The following ZNF548 variants were observed in gnomAD, a reference collection of about 807,000 sequenced individuals.
The protein encoded by ZNF548 is zinc finger protein 548.
In ZNF548, 10 loss-of-function variants were observed where a neutral mutation model predicts 10.2. That is an observed-to-expected ratio of 0.98 (90% CI 0.60 to 1.66). The LOEUF (loss-of-function observed/expected upper bound fraction) is 1.66, where lower values mean the gene tolerates loss of function less well. Among genes scored for constraint, ZNF548 ranks in the 40% most tolerant of loss-of-function variants. The pLI, the probability that ZNF548 is intolerant of heterozygous loss-of-function variation, is 0.00. For missense variants in ZNF548, 599 were observed against 657.0 expected, an observed-to-expected ratio of 0.91 and a Z score of 0.97; for synonymous variants, 217 against 223.5, an observed-to-expected ratio of 0.97 and a Z score of 0.26.
intron 3 of ZNF548, chr19:57,397,387 A>G (rs1304264840): frequency 3.0e-6 from 2 of 670,756 alleles, no homozygotes; most frequent in South Asian, 9.2e-5. Flanking sequence ...GCTTACAAGA[A>G]AGGGCTCAAG....
At chr19:57,390,247 A>AT in intron 1 of ZNF548, 133 bp downstream of exon 1, 1 of 1,006,922 alleles carries the variant, frequency 9.9e-7, no homozygotes, top group African/African-American at 1.6e-5. Flanking sequence ...GTATCAGCCG[A>AT]TTTGATGCAG....
At position 57,397,101 on chromosome 19, in the gene ZNF548, G is replaced by A. The variant is rs370341278; in HGVS notation, c.105G>A (p.Gly35=). 15 of 1,613,338 alleles carry A rather than the reference G, an allele frequency of 9.3e-6. No homozygotes were observed. The African/African-American group carries it at 9.3e-5, about 10-fold the overall frequency. The change falls in exon 3 of 4, where the codon GGG becomes GGA. Residue 35 remains glycine (G), a synonymous_variant. Transcript: ENST00000336128. ...VAIYFSQEEW[G]HLDEAQRLLY... ...TATATTTCTCCCAGGAGGAGTGGGG[G>A]CACCTTGATGAGGCTCAGAGATTGC... is the stretch of plus-strand genomic sequence containing the variant.
At chr19:57,393,867 C>T (rs1435171953) in intron 1 of ZNF548, among the ~76,000 whole-genome samples, 2 of 152,128 alleles carry the variant, frequency 1.3e-5, no homozygotes, top group African/African-American at 2.4e-5. Context: ...CTTTCATTTG[C>T]ATTGAACTCA....
At chr19:57,397,440 G>T (rs1490829596) in intron 3 of ZNF548, 2 of 437,932 alleles carry the variant, frequency 4.6e-6, no homozygotes, top group East Asian at 3.4e-5. Context: ...CACCAGCCTT[G>T]TCTGTCCCTG....
rs2088694574 is a variant in ZNF548, at chr19:57,399,340, A to G, written c.1089A>G (p.Thr363=). The part of the protein sequence containing the change: ...DCGKFFRYIS[T]LIRHQRIHTG... ...GGAAATTTTTTAGGTATATCTCCAC[A>G]CTCATTAGACATCAGAGAATTCACA... is the stretch of plus-strand genomic sequence containing the variant. Residue 363 remains threonine (T), a synonymous_variant, in exon 4 of 4, where the codon ACA becomes ACG. Transcript: ENST00000336128. This position sits in a 1 kb window ranked among gnomAD's most constrained non-coding sequence, Gnocchi z 4.0. 9 of 1,613,964 alleles carry G rather than the reference A, an allele frequency of 5.6e-6. No homozygotes were observed. The highest frequency in any genetic ancestry group is 2.2e-5 in the East Asian group (1 of 44,878).
intron 1 of ZNF548, 37 bp downstream of exon 1, chr19:57,390,151 T>C: frequency 6.2e-7 from 1 of 1,604,012 alleles, no homozygotes; most frequent in African/African-American, 1.3e-5. Context: ...GCCCGACCGG[T>C]CCTCCCAGTG....
intron 1 of ZNF548, among the ~76,000 whole-genome samples, chr19:57,391,752 T>G (rs554719122): frequency 4.6e-5 from 7 of 151,934 alleles, no homozygotes; most frequent in Non-Finnish European, 8.8e-5. Context: ...GCGATTTATG[T>G]GTCTTCTTTT....
intron 3 of ZNF548, 196 bp downstream of exon 3, chr19:57,397,370 C>T: frequency 1.2e-6 from 1 of 804,630 alleles, no homozygotes; most frequent in Non-Finnish European, 1.8e-6. Context: ...ATCCCTGCTG[C>T]TCTGAGGCTT....
At chr19:57,396,206 C>CA (rs2088663380) in intron 2 of ZNF548, among the ~76,000 whole-genome samples, 1 of 152,130 alleles carries the variant, frequency 6.6e-6, no homozygotes, top group Non-Finnish European at 1.5e-5. Flanking sequence ...TGGAGGGCCT[C>CA]AGGCCCTGGC....
Position 57,390,106 on chromosome 19 carries a change from C to A in ZNF548, c.7C>A (p.Leu3Met). The change falls in exon 1 of 4, where the codon CTG becomes ATG. Residue 3 changes from leucine to methionine, a missense_variant. Transcript: ENST00000336128. The part of the protein sequence containing the change: MN[L>M]TEGPLAMAEM... ...GCTGGCGGAGGCCTTGCTGATGAAC[C>A]TGACTGAGGTGGGTGTCCCGTCCCA... The A allele has an allele frequency of 6.2e-7, 1 of 1,608,850 alleles. No individual in the cohort carries two copies. Among genetic ancestry groups the A allele is most frequent in the Middle Eastern group, 1.7e-4 (1 of 6,060 alleles).
chr19:57,396,301 C>T (rs1264515042), intron 2 of ZNF548, among the ~76,000 whole-genome samples: 1 of 152,182 alleles, frequency 6.6e-6, no homozygotes, highest in Non-Finnish European at 1.5e-5. Context: ...AACTGGCTGG[C>T]AGGAGAGGAT....
At chr19:57,390,285 G>T in intron 1 of ZNF548, 171 bp downstream of exon 1, 1 of 650,950 alleles carries the variant, frequency 1.5e-6, no homozygotes, top group Non-Finnish European at 2.5e-6. Flanking sequence ...GGGACCTCAG[G>T]TTCAGAGCAT....
At chr19:57,393,994 A>T (rs1197186254) in intron 1 of ZNF548, 194 bp from the exon 2 acceptor site, 1 of 654,480 alleles carries the variant, frequency 1.5e-6, no homozygotes, top group East Asian at 2.7e-5. Context: ...CTATTTACAG[A>T]TGGAGACACT....
chr19:57,390,054 G>T lies in ZNF548; in HGVS notation c.-46G>T, dbSNP rs75599624. On this transcript the variant is annotated 5_prime_UTR_variant, in exon 1 of 4. Coordinates refer to ENST00000336128, the MANE Select transcript of ZNF548 (RefSeq NM_001172773.2). Reference sequence around the variant, plus strand: ...GTGGCGTCCTTGTCTTGCCTTTGTCGCTCCCGCCCCGCTCTTCCCTGGCTG... The same window carrying T: ...GTGGCGTCCTTGTCTTGCCTTTGTCTCTCCCGCCCCGCTCTTCCCTGGCTG... 315,270 of 1,602,148 alleles carry T rather than the reference G, an allele frequency of 0.2. 32,586 individuals carry two copies. Among genetic ancestry groups the T allele is most frequent in the East Asian group, 0.26 (11,438 of 44,732 alleles).
At chr19:57,392,325 T>G (rs2088632922) in intron 1 of ZNF548, among the ~76,000 whole-genome samples, 1 of 152,206 alleles carries the variant, frequency 6.6e-6, no homozygotes. Flanking sequence ...TTTATGTTGT[T>G]TATGCTTTTG....
rs576213013 is a variant in ZNF548, at chr19:57,394,185, C to A, written c.16-3C>A. The A allele has an allele frequency of 1.2e-6, 2 of 1,603,568 alleles. No homozygotes were observed. The highest frequency in any genetic ancestry group is 2.7e-5 in the African/African-American group (2 of 75,044). On this transcript the variant is annotated splice_polypyrimidine_tract_variant and splice_region_variant and intron_variant, in intron 1 of 3. Transcript: ENST00000336128. ...ATTTCTCACGGCCTTTCTCTTCCCT[C>A]AGGGTCCCCTGGCGATGGCAGAAAT...
In ZNF548 at chr19:57,395,021, T is replaced by G. The variant is rs987019733; in HGVS notation, c.51+798T>G. On this transcript the variant is annotated intron_variant, in intron 2 of 3. Coordinates refer to ENST00000336128, the MANE Select transcript of ZNF548 (RefSeq NM_001172773.2). This position sits in a 1 kb window ranked among gnomAD's most constrained non-coding sequence, Gnocchi z 4.8. The stretch of plus-strand genomic sequence containing the variant: ...GTCTCAGAGACTCCTGATGGAGGAG[T>G]TCAGGTTGGAGATGTCCACACTATG... Among the ~76,000 whole-genome samples the G allele has an allele frequency of 6.6e-6, 1 of 151,698 alleles. No homozygotes were observed. The highest frequency in any genetic ancestry group is 1.9e-4 in the East Asian group (1 of 5,184).
chr19:57,399,505 C>T lies in ZNF548; in HGVS notation c.1254C>T (p.Cys418=). The T allele has an allele frequency of 6.2e-7, 1 of 1,613,990 alleles. No homozygotes were observed. Among genetic ancestry groups the T allele is most frequent in the Non-Finnish European group, 8.5e-7 (1 of 1,179,984 alleles). ...SECGKSFRYH[C]RLIRHQRVHT... is the part of the protein sequence containing the mutation. ...GTGGGAAATCATTTAGGTACCACTG[C>T]AGGCTCATTAGACACCAGAGAGTCC... The change falls in exon 4 of 4, where the codon TGC becomes TGT. Residue 418 remains cysteine, a synonymous_variant. Coordinates refer to ENST00000336128, the MANE Select transcript of ZNF548 (RefSeq NM_001172773.2). This position sits in a 1 kb window ranked among gnomAD's most constrained non-coding sequence, Gnocchi z 4.0.
rs2088609093 is a variant in ZNF548 at position 57,389,884 on chromosome 19, G to T, written c.-216G>T. ...TTCCGCCGTCCTCCTGGTGGTGGTCGTTTTGGTTCTGTGTGGTGTTTCACC... is the reference window on the plus strand; with the variant it reads ...TTCCGCCGTCCTCCTGGTGGTGGTCTTTTTGGTTCTGTGTGGTGTTTCACC... On this transcript the variant is annotated 5_prime_UTR_variant, in exon 1 of 4. Coordinates refer to ENST00000336128, the MANE Select transcript of ZNF548 (RefSeq NM_001172773.2). The T allele has an allele frequency of 2.0e-6, 1 of 501,122 alleles. No individual in the cohort carries two copies. Among genetic ancestry groups the T allele is most frequent in the East Asian group, 3.2e-5 (1 of 31,468 alleles). 31.0% of individuals were successfully genotyped at this position (501,122 alleles called of 1,614,324 possible). A position where few individuals can be genotyped will look rare whatever the true frequency, so the allele number is the denominator to read the frequency against.
Sources: allele counts gnomAD v4.1 joint callset (sites outside exome capture counted in the v4.1 genomes callset), GRCh38; gene constraint gnomAD v4.1.1; non-coding constraint Gnocchi (gnomAD v3.1); transcripts MANE v1.5; gene names NCBI Gene and HGNC (gene_info 2026-07-23, HGNC 2026-07-21).